STK3: variants seen among roughly 807,000 people sequenced by gnomAD.
STK3 encodes the protein serine/threonine-protein kinase 3.
In STK3, 41 loss-of-function variants were observed where a neutral mutation model predicts 58.0. The ratio of observed to expected loss-of-function variants is 0.71; its 90% CI spans 0.55 to 0.92. STK3 has a LOEUF of 0.92. Ranked by LOEUF, STK3 falls within the 40% of genes least tolerant of loss-of-function variation. STK3 has a pLI of 0.00. For missense variants in STK3, 479 were observed against 602.7 expected (o/e 0.79, Z 2.15); for synonymous variants, 170 against 191.0 (o/e 0.89, Z 0.91).
intron 2 of STK3, among the ~76,000 whole-genome samples, chr8:98,376,676 A>T (rs181341572): frequency 5.4e-4 from 82 of 152,328 alleles, no homozygotes; most frequent in Non-Finnish European, 1.0e-3. Flanking sequence ...AATGTACGTT[A>T]CTTAACTTCC....
intron 6 of STK3, among the ~76,000 whole-genome samples, chr8:98,683,815 A>G (rs1026527427): frequency 6.6e-6 from 1 of 152,156 alleles, no homozygotes; most frequent in Non-Finnish European, 1.5e-5. Context: ...TGCTATGATA[A>G]AGAAAATAGT....
chr8:98,563,396 T>C (rs1812215947), intron 8 of STK3, among the ~76,000 whole-genome samples: 1 of 152,146 alleles, frequency 6.6e-6, no homozygotes, highest in Admixed American at 6.6e-5. Context: ...TACAGATGTA[T>C]ACACATACAT....
the STK3 span, among the ~76,000 whole-genome samples, chr8:98,346,149 A>G: frequency 2.0e-5 from 3 of 151,784 alleles, no homozygotes; most frequent in South Asian, 2.1e-4. Flanking sequence ...GCCAGGCATG[A>G]TCTTGGGTGC....
intron 1 of STK3, among the ~76,000 whole-genome samples, chr8:98,918,461 T>C (rs1237290408): frequency 6.6e-6 from 1 of 152,164 alleles, no homozygotes; most frequent in Non-Finnish European, 1.5e-5. Flanking sequence ...AGAATACAAC[T>C]TAGTATTTAT....
At chr8:98,565,094 A>T (rs576069570) in intron 8 of STK3, among the ~76,000 whole-genome samples, 1 of 152,134 alleles carries the variant, frequency 6.6e-6, no homozygotes, top group Non-Finnish European at 1.5e-5. Flanking sequence ...AATTTGAGCA[A>T]ATATTTATTA....
chr8:98,827,299 A>C (rs1230807100), upstream of STK3, among the ~76,000 whole-genome samples: 1 of 152,242 alleles, frequency 6.6e-6, no homozygotes, highest in East Asian at 1.9e-4. Context: ...GCGCCACTGC[A>C]CTCCAGCCTG....
intron 6 of STK3, among the ~76,000 whole-genome samples, chr8:98,664,184 T>C (rs1165140409): frequency 1.3e-5 from 2 of 152,296 alleles, no homozygotes; most frequent in East Asian, 1.9e-4. Context: ...TCCCATCTAA[T>C]TGAAGAAAGA....
chr8:98,934,438 A>G (rs1449739653), intron 1 of STK3, among the ~76,000 whole-genome samples: 4 of 152,206 alleles, frequency 2.6e-5, no homozygotes, highest in Non-Finnish European at 1.5e-5. Context: ...TCTAAGAAGA[A>G]AGCTGCATAT....
chr8:98,388,367 G>A (rs1817813686), upstream of STK3: 3 of 152,176 alleles, frequency 2.0e-5, no homozygotes, highest in African/African-American at 7.2e-5. Context: ...TAACTGATGG[G>A]AGACTTCATA....
intron 3 of STK3, among the ~76,000 whole-genome samples, chr8:98,764,119 G>T (rs1360280646): frequency 6.6e-6 from 1 of 152,126 alleles, no homozygotes; most frequent in African/African-American, 2.4e-5. Flanking sequence ...ATCAATATTT[G>T]CCTCAGCATT....
At chr8:98,376,328 T>C (rs1817673994) in intron 2 of STK3, among the ~76,000 whole-genome samples, 1 of 152,246 alleles carries the variant, frequency 6.6e-6, no homozygotes, top group Admixed American at 6.5e-5. Context: ...ACAAGTCCTT[T>C]GTCAGATGCG....
chr8:98,470,389 G>C (rs1477579200), intron 10 of STK3, among the ~76,000 whole-genome samples: 2 of 152,134 alleles, frequency 1.3e-5, no homozygotes, highest in Non-Finnish European at 2.9e-5. Context: ...CCAACCCACA[G>C]ATCTCTTCTA....
intron 1 of STK3, among the ~76,000 whole-genome samples, chr8:98,441,124 C>T (rs1423705244): frequency 6.6e-6 from 1 of 152,134 alleles, no homozygotes; most frequent in Non-Finnish European, 1.5e-5. Context: ...TAGTTGAAAT[C>T]AAAGAAATCA....
chr8:98,456,164 C>A (rs990294766), intron 10 of STK3, among the ~76,000 whole-genome samples, 164 bp from the exon 11 acceptor site: 1 of 152,188 alleles, frequency 6.6e-6, no homozygotes, highest in Non-Finnish European at 1.5e-5. Context: ...ACAGGAATTT[C>A]TTCCTTGAAG....
At chr8:98,433,758 G>A (rs1818388465) in intron 3 of STK3, among the ~76,000 whole-genome samples, 1 of 152,152 alleles carries the variant, frequency 6.6e-6, no homozygotes, top group Admixed American at 6.5e-5. Context: ...CCTTCTATTT[G>A]GTTTCATTTC....
At chr8:98,466,116 T>G (rs1054568108) in intron 10 of STK3, among the ~76,000 whole-genome samples, 2 of 152,226 alleles carry the variant, frequency 1.3e-5, no homozygotes, top group Non-Finnish European at 2.9e-5. Flanking sequence ...GCACTTTGAA[T>G]AGTTTAAAAC....
At chr8:98,630,918 CT>C (rs71273137) in intron 6 of STK3, among the ~76,000 whole-genome samples, 4 of 151,140 alleles carry the variant, frequency 2.6e-5, no homozygotes, top group Non-Finnish European at 4.4e-5. Context: ...GTAAACATTT[CT>C]TTTTTTTTAT....
chr8:98,743,866 A>G (rs559510564), intron 4 of STK3, among the ~76,000 whole-genome samples: 54 of 152,284 alleles, frequency 3.5e-4, no homozygotes, highest in Non-Finnish European at 5.4e-4. Context: ...CAGAATCTAC[A>G]ATGAACTCAA....
chr8:98,455,943 T>C lies in STK3; in HGVS notation c.1375A>G (p.Met459Val). The C allele has an allele frequency of 6.2e-7, 1 of 1,613,358 alleles. No individual in the cohort carries two copies. The highest frequency in any genetic ancestry group is 8.5e-7 in the Non-Finnish European group (1 of 1,179,670). Residue 459 changes from methionine to valine, a missense_variant, in exon 11 of 11, where the codon ATG becomes GTG. Physicochemically the swap from Met to Val is conservative, Grantham distance 21. Transcript: ENST00000419617. ...QMRLKALDPM[M>V]EREIEELRQR... Reference sequence around the variant, plus strand: ...CGAAGTTCTTCTATCTCCCGTTCCATCATGGGGTCCAGTGCTTTTAACCGC... The same window carrying C: ...CGAAGTTCTTCTATCTCCCGTTCCACCATGGGGTCCAGTGCTTTTAACCGC...
Sources: allele counts gnomAD v4.1 joint callset (sites outside exome capture counted in the v4.1 genomes callset), GRCh38; gene constraint gnomAD v4.1.1; transcripts MANE v1.5; gene names NCBI Gene and HGNC (gene_info 2026-07-23, HGNC 2026-07-21).